The following WDR18 variants were observed in gnomAD, a reference collection of about 807,000 sequenced individuals.
The protein encoded by WDR18 is WD repeat-containing protein 18.
A neutral mutation model predicts 49.6 loss-of-function variants in WDR18; 33 were observed. The ratio of observed to expected loss-of-function variants is 0.67; its 90% CI spans 0.50 to 0.89. The LOEUF (loss-of-function observed/expected upper bound fraction) is 0.89, where lower values mean the gene tolerates loss of function less well. Ranked by LOEUF, WDR18 falls within the 40% of genes least tolerant of loss-of-function variation. WDR18 has a pLI of 0.00. For synonymous variants in WDR18, 315 were observed against 263.6 expected (o/e 1.19, Z -1.89); for missense variants, 653 against 593.6 (o/e 1.10, Z -1.04).
At chr19:984,006 T>C (rs2038445954), upstream of WDR18, among the ~76,000 whole-genome samples, 1 of 152,166 alleles carries the variant, frequency 6.6e-6, no homozygotes, top group Admixed American at 6.5e-5. Flanking sequence ...CTTTATTATT[T>C]GAACATTTAA....
chr19:987,841 T>TTTTTTTTTTTTTTTTTTTTTTC, intron 2 of WDR18, among the ~76,000 whole-genome samples: 1 of 142,070 alleles, frequency 7.0e-6, no homozygotes, highest in African/African-American at 2.7e-5. Flanking sequence ...TTTTTTTTTT[T>TTTTTTTTTTTTTTTTTTTTTTC]TTTTTTTTTT....
Position 990,955 on chromosome 19 carries a change from G to T in WDR18, c.701G>T (p.Gly234Val), listed in dbSNP as rs570003378. 1 of 1,612,160 alleles carries T rather than the reference G, an allele frequency of 6.2e-7. No individual in the cohort carries two copies. Among genetic ancestry groups the T allele is most frequent in the African/African-American group, 1.3e-5 (1 of 75,054 alleles). The change falls in exon 5 of 10, where the codon GGC becomes GTC. Residue 234 changes from glycine (G) to valine (V), a missense_variant. Transcript: ENST00000585809. ...GCTGAGCACCATATGTTCTGCGGGG[G>T]CAGTGAGGGCTCCATCTTCCAGGTC... ...DLAEHHMFCGGSEGSIFQVDL... is the reference protein window; with the variant it reads ...DLAEHHMFCGVSEGSIFQVDL...
chr19:991,900 C>T, intron 7 of WDR18, 55 bp from the exon 8 acceptor site: 2 of 1,425,814 alleles, frequency 1.4e-6, no homozygotes, highest in South Asian at 1.4e-5. Context: ...ACTTGGCTTG[C>T]TGTGGGGTGG....
upstream of WDR18, chr19:984,200 C>T: frequency 1.2e-6 from 1 of 820,682 alleles, no homozygotes. Context: ...AGCGGGAAAT[C>T]CCACTTCACA....
Position 984,363 on chromosome 19 carries a change from C to A in WDR18, c.10C>A (p.Pro4Thr), listed in dbSNP as rs376723627. The change falls in exon 1 of 10, where the codon CCC (proline) becomes ACC (threonine). Residue 4 changes from proline to threonine, a missense_variant. Transcript: ENST00000585809. Reference sequence around the variant, plus strand: ...CGGTGGGGAAGGCAAGATGGCGGCGCCCATGGAGGTGGCCGTGTGTACGGA... The same window carrying A: ...CGGTGGGGAAGGCAAGATGGCGGCGACCATGGAGGTGGCCGTGTGTACGGA... MAA[P>T]MEVAVCTDSA... 4 of 1,592,524 alleles carry A rather than the reference C, an allele frequency of 2.5e-6. No individual in the cohort carries two copies. The highest frequency in any genetic ancestry group is 3.4e-6 in the Non-Finnish European group (4 of 1,171,874).
Position 992,001 on chromosome 19 carries a change from G to C in WDR18, c.978G>C (p.Leu326=). 2 of 1,598,264 alleles carry C rather than the reference G, an allele frequency of 1.3e-6. No homozygotes were observed. Among genetic ancestry groups the C allele is most frequent in the Non-Finnish European group, 1.7e-6 (2 of 1,176,240 alleles). The part of the protein sequence containing the change: ...AAILLAPVSM[L]SSDFRPSLPL... ...TCCTGCTGGCGCCCGTCAGCATGCT[G>C]AGCTCAGACTTCAGGCCCAGCCTGC... The change falls in exon 8 of 10, where the codon CTG becomes CTC. Residue 326 remains leucine (L), a synonymous_variant. Transcript: ENST00000585809.
At position 984,663 on chromosome 19, in the gene WDR18, C is replaced by T. The variant is rs1189705832; in HGVS notation, c.210+100C>T. ...CGCGTGCACCCTTAGTCGGAATTGGCGTGGGGAGGGGAGGTGGTCTCCGTT... is the reference window on the plus strand; with the variant it reads ...CGCGTGCACCCTTAGTCGGAATTGGTGTGGGGAGGGGAGGTGGTCTCCGTT... On this transcript the variant is annotated intron_variant, in intron 1 of 9. Transcript: ENST00000585809. 41 of 1,220,414 alleles carry T rather than the reference C, an allele frequency of 3.4e-5. 1 individual carries two copies. Among genetic ancestry groups the T allele is most frequent in the Non-Finnish European group, 4.1e-5 (38 of 933,078 alleles). 75.6% of individuals were successfully genotyped at this position (1,220,414 alleles called of 1,614,324 possible).
rs763434261 is a variant in WDR18 at position 990,372 on chromosome 19, G to A, written c.597+8G>A. 11 of 1,536,374 alleles carry A rather than the reference G, an allele frequency of 7.2e-6. No homozygotes were observed. The highest frequency in any genetic ancestry group is 1.7e-4 in the Middle Eastern group (1 of 5,912). ...CTGGACCAGACGGTGAAGGTACGCC[G>A]CCCCCACCCCACCACGGTCCATGAG... On this transcript the variant is annotated splice_region_variant and intron_variant, in intron 4 of 9. Coordinates refer to ENST00000585809, the MANE Select transcript of WDR18 (RefSeq NM_024100.4).
chr19:983,890 T>A (rs2038445098), upstream of WDR18, among the ~76,000 whole-genome samples: 1 of 152,036 alleles, frequency 6.6e-6, no homozygotes, highest in East Asian at 2.0e-4. Context: ...ACTAAATAAA[T>A]AAGGAAGCAG....
chr19:994,045 G>C lies in WDR18; in HGVS notation c.1124G>C (p.Arg375Pro), dbSNP rs374385418. The C allele has an allele frequency of 1.9e-6, 3 of 1,559,580 alleles. No individual in the cohort carries two copies. Among genetic ancestry groups the C allele is most frequent in the Non-Finnish European group, 2.6e-6 (3 of 1,153,116 alleles). ...GGCTCGGAGCCCAGCTACCTGGACCGCACGGAGCAGCTGCAGGCCGTCCTG... is the reference window on the plus strand; with the variant it reads ...GGCTCGGAGCCCAGCTACCTGGACCCCACGGAGCAGCTGCAGGCCGTCCTG... The part of the protein sequence containing the change: ...QQGSEPSYLD[R>P]TEQLQAVLCS... The change falls in exon 9 of 10, where the codon CGC (arginine) becomes CCC (proline). Residue 375 changes from arginine (R) to proline (P), a missense_variant. Arg to Pro is a moderately radical substitution (Grantham distance 103). Coordinates refer to ENST00000585809, the MANE Select transcript of WDR18 (RefSeq NM_024100.4).
In WDR18 at chr19:994,272, G is replaced by C. The variant is rs1245877284; in HGVS notation, c.1227G>C (p.Val409=). The C allele has an allele frequency of 6.2e-7, 1 of 1,609,882 alleles. No individual in the cohort carries two copies. The highest frequency in any genetic ancestry group is 2.2e-5 in the East Asian group (1 of 44,800). ...RVRVTELEDE[V]RNLRKINRDL... ...GTGTGACGGAGCTGGAGGACGAGGT[G>C]CGCAACCTGCGCAAGATCAATCGGG... Residue 409 remains valine, a synonymous_variant, in exon 10 of 10, where the codon GTG becomes GTC. Transcript: ENST00000585809.
chr19:992,622 C>T (rs576856040), intron 8 of WDR18, among the ~76,000 whole-genome samples: 155 of 152,296 alleles, frequency 1.0e-3, no homozygotes, highest in African/African-American at 3.2e-3. Flanking sequence ...CACCGACCCC[C>T]GCTCTGTGCA....
rs2038541896 is a variant in WDR18, at chr19:991,210, CCTGTCTGT to C, written c.807-11_807-4del. ...CCTGTCTGGCACGTCCCAGGTGACCCCTGTCTGTCTGTCCAGGAACCAGGTGACTTGCC... is the reference window on the plus strand; with the variant it reads ...CCTGTCTGGCACGTCCCAGGTGACCCCTGTCCAGGAACCAGGTGACTTGCC... On this transcript the variant is annotated splice_polypyrimidine_tract_variant and intron_variant, in intron 6 of 9. Coordinates refer to ENST00000585809, the MANE Select transcript of WDR18 (RefSeq NM_024100.4). The C allele has an allele frequency of 6.4e-7, 1 of 1,559,046 alleles. No individual in the cohort carries two copies. Among genetic ancestry groups the C allele is most frequent in the Admixed American group, 1.9e-5 (1 of 53,998 alleles).
intron 2 of WDR18, among the ~76,000 whole-genome samples, chr19:987,133 A>G (rs1165464632): frequency 6.6e-6 from 1 of 152,234 alleles, no homozygotes; most frequent in Non-Finnish European, 1.5e-5. Flanking sequence ...ACTTGAGGCC[A>G]GGAGTTCAAG....
rs922895872 is a variant in WDR18, at chr19:985,787, C to T, written c.211-78C>T. ...TCTGACTTAGCCATTGCCCAGGCGTCCCCTCCCCTCGCCCTCCACTGCTGT... is the reference window on the plus strand; with the variant it reads ...TCTGACTTAGCCATTGCCCAGGCGTTCCCTCCCCTCGCCCTCCACTGCTGT... On this transcript the variant is annotated intron_variant, in intron 1 of 9. Transcript: ENST00000585809. The T allele has an allele frequency of 7.1e-6, 10 of 1,406,938 alleles. No individual in the cohort carries two copies. The East Asian group carries it at 1.8e-4, about 26-fold the overall frequency. 87.2% of individuals were successfully genotyped at this position (1,406,938 alleles called of 1,614,324 possible). A position where few individuals can be genotyped will look rare whatever the true frequency, so the allele number is the denominator to read the frequency against.
At chr19:983,781 T>A (rs1022799617), upstream of WDR18, among the ~76,000 whole-genome samples, 3 of 151,296 alleles carry the variant, frequency 2.0e-5, no homozygotes, top group African/African-American at 7.3e-5. Flanking sequence ...GGCTCACGCC[T>A]GTAATCCCAG....
At chr19:984,850 C>T (rs965486891) in intron 1 of WDR18, among the ~76,000 whole-genome samples, 4 of 151,984 alleles carry the variant, frequency 2.6e-5, no homozygotes, top group Non-Finnish European at 5.9e-5. Flanking sequence ...TGCGCATGCA[C>T]GAGTTCTTGG....
At chr19:984,194 G>C, upstream of WDR18, 1 of 791,090 alleles carries the variant, frequency 1.3e-6, no homozygotes, top group Non-Finnish European at 1.9e-6. Context: ...CAGGTAAGCG[G>C]GAAATCCCAC....
Position 992,017 on chromosome 19 carries a change from C to A in WDR18, c.994C>A (p.Pro332Thr), listed in dbSNP as rs1470189787. The A allele has an allele frequency of 6.3e-7, 1 of 1,595,344 alleles. No homozygotes were observed. Among genetic ancestry groups the A allele is most frequent in the Non-Finnish European group, 8.5e-7 (1 of 1,175,032 alleles). ...CAGCATGCTGAGCTCAGACTTCAGG[C>A]CCAGCCTGCCGCTGCCCCACTTCAA... ...PVSMLSSDFR[P>T]SLPLPHFNKH... The change falls in exon 8 of 10, where the codon CCC becomes ACC. Residue 332 changes from proline to threonine, a missense_variant. Transcript: ENST00000585809.
Sources: gnomAD v4.1 joint callset for allele counts (sites outside exome capture counted in the v4.1 genomes callset) on GRCh38, gnomAD v4.1.1 for gene constraint, MANE v1.5 for transcripts, NCBI Gene and HGNC (gene_info 2026-07-23, HGNC 2026-07-21) for gene names.